Variants in TFCP2L1 observed in about 807,000 individuals in gnomAD.
TFCP2L1 encodes the protein transcription factor CP2-like protein 1.
TFCP2L1 carries 12 observed loss-of-function variants against 72.2 expected under a neutral mutation model. The observed-to-expected ratio is 0.17, with a 90% confidence interval of 0.11 to 0.27. TFCP2L1 has a LOEUF of 0.27. TFCP2L1 is among the 10% of genes least tolerant of loss of function. The pLI is 1.00. For synonymous variants in TFCP2L1, 260 were observed against 251.0 expected, an observed-to-expected ratio of 1.04 and a Z score of -0.34; for missense variants, 488 against 624.6, an observed-to-expected ratio of 0.78 and a Z score of 2.33.
intron 12 of TFCP2L1, 45 bp from the exon 13 acceptor site, chr2:121,232,013 G>C: frequency 6.5e-7 from 1 of 1,542,800 alleles, no homozygotes; most frequent in African/African-American, 1.4e-5. Context: ...TGGCCATTCT[G>C]TCAGTGTGAG....
intron 2 of TFCP2L1, among the ~76,000 whole-genome samples, chr2:121,265,516 C>T (rs903807997): frequency 1.3e-4 from 19 of 151,908 alleles, no homozygotes; most frequent in African/African-American, 4.6e-4. Flanking sequence ...CAGGGTCTCA[C>T]TCTGTCACCC....
chr2:121,283,122 CAG>C (rs1687297756), intron 1 of TFCP2L1, among the ~76,000 whole-genome samples: 2 of 152,146 alleles, frequency 1.3e-5, no homozygotes, highest in Non-Finnish European at 2.9e-5. Flanking sequence ...ATTTTTTAAA[CAG>C]GGGCGGGTGG....
intron 2 of TFCP2L1, among the ~76,000 whole-genome samples, chr2:121,260,703 C>A (rs577957842): frequency 9.8e-5 from 15 of 152,342 alleles, no homozygotes; most frequent in African/African-American, 2.2e-4. Context: ...CACAGCACTG[C>A]CCAGAGCAGG....
intron 2 of TFCP2L1, among the ~76,000 whole-genome samples, chr2:121,254,103 T>C (rs1463709656): frequency 6.6e-6 from 1 of 152,160 alleles, no homozygotes; most frequent in Non-Finnish European, 1.5e-5. Flanking sequence ...CAGCGGGCTA[T>C]GAGAAGGCGC....
In TFCP2L1 at chr2:121,219,108, C is replaced by T. The variant is rs1353046123; in HGVS notation, c.*5233G>A. The T allele has an allele frequency of 6.6e-6, 1 of 152,378 alleles. No individual in the cohort carries two copies. Among genetic ancestry groups the T allele is most frequent in the African/African-American group, 2.4e-5 (1 of 41,476 alleles). The allele number at this position is 152,378 out of a possible 1,614,324, so 9.4% of individuals were successfully genotyped here. On this transcript the variant is annotated 3_prime_UTR_variant, in exon 15 of 15. Coordinates refer to ENST00000263707, the MANE Select transcript of TFCP2L1 (RefSeq NM_014553.3). ...TGAAGCCAGTCATGTGGGAGACCCG[C>T]TCTAGAGACCTTGCCCTGCTCTGGG... is the stretch of plus-strand genomic sequence containing the variant.
intron 13 of TFCP2L1, among the ~76,000 whole-genome samples, chr2:121,230,799 G>A (rs1332951960): frequency 2.6e-5 from 4 of 151,844 alleles, no homozygotes; most frequent in African/African-American, 7.3e-5. Flanking sequence ...CAAAAGGCTG[G>A]GCATGGTGGC....
chr2:121,271,893 G>A (rs778757032), intron 2 of TFCP2L1, among the ~76,000 whole-genome samples: 2 of 152,170 alleles, frequency 1.3e-5, no homozygotes, highest in Non-Finnish European at 2.9e-5. Flanking sequence ...GAAAACAGGA[G>A]GGTTGGGGGT....
At chr2:121,260,906 A>G (rs1305987047) in intron 2 of TFCP2L1, among the ~76,000 whole-genome samples, 2 of 152,250 alleles carry the variant, frequency 1.3e-5, no homozygotes, top group African/African-American at 2.4e-5. Flanking sequence ...TTACTTTCCT[A>G]CAGTTACTGG....
chr2:121,240,224 A>C lies in TFCP2L1; in HGVS notation c.769-575T>G, dbSNP rs750415. 12,797 of 985,312 alleles carry C rather than the reference A, an allele frequency of 0.013. 417 individuals carry two copies. The East Asian group carries it at 0.15, about 12-fold the overall frequency. 61.0% of individuals were successfully genotyped at this position (985,312 alleles called of 1,614,324 possible). ...ATTTCAGGCATTCTGCTGGGGGCTA[A>C]GGGAGATCCACAAACATGAAAGATG... On this transcript the variant is annotated intron_variant, in intron 7 of 14. Transcript: ENST00000263707.
At chr2:121,235,930 A>G (rs1171105133) in intron 10 of TFCP2L1, among the ~76,000 whole-genome samples, 1 of 151,266 alleles carries the variant, frequency 6.6e-6, no homozygotes, top group African/African-American at 2.4e-5. Context: ...CCCTACTCCC[A>G]CCCAGGGGAG....
At chr2:121,244,582 A>C (rs1686443672) in intron 6 of TFCP2L1, among the ~76,000 whole-genome samples, 1 of 152,140 alleles carries the variant, frequency 6.6e-6, no homozygotes, top group Non-Finnish European at 1.5e-5. Flanking sequence ...AACGCCTGGC[A>C]TGGGTTGAGG....
At position 121,221,649 on chromosome 2, in the gene TFCP2L1, C is replaced by T. The variant is rs1466517058; in HGVS notation, c.*2692G>A. The T allele has an allele frequency of 7.1e-6, 1 of 140,492 alleles. No homozygotes were observed. The highest frequency in any genetic ancestry group is 1.6e-5 in the Non-Finnish European group (1 of 63,108). 8.7% of individuals were successfully genotyped at this position (140,492 alleles called of 1,614,324 possible). ...CATTGTGAGAACTAAAAGTATAGTT[C>T]TTAGAAGAAAACACAGGCATTAATC... On this transcript the variant is annotated 3_prime_UTR_variant, in exon 15 of 15. Coordinates refer to ENST00000263707, the MANE Select transcript of TFCP2L1 (RefSeq NM_014553.3).
intron 12 of TFCP2L1, 119 bp downstream of exon 12, chr2:121,233,972 G>T: frequency 1.1e-6 from 1 of 883,052 alleles, no homozygotes; most frequent in Non-Finnish European, 1.8e-6. Context: ...GTGTGGGCAT[G>T]TGGGAGCCCA....
intron 13 of TFCP2L1, among the ~76,000 whole-genome samples, chr2:121,227,838 C>A (rs1156828627): frequency 1.3e-5 from 2 of 152,104 alleles, no homozygotes; most frequent in Non-Finnish European, 2.9e-5. Flanking sequence ...TGCCTCGAAT[C>A]TTGCAAATCC....
intron 2 of TFCP2L1, among the ~76,000 whole-genome samples, chr2:121,262,219 C>G (rs1169211842): frequency 6.6e-6 from 1 of 152,198 alleles, no homozygotes; most frequent in Non-Finnish European, 1.5e-5. Context: ...GTAATCCCAG[C>G]ACTTTGGGAG....
intron 10 of TFCP2L1, 79 bp from the exon 11 acceptor site, chr2:121,235,390 A>AGTGC: frequency 1.4e-6 from 2 of 1,401,908 alleles, no homozygotes; most frequent in Non-Finnish European, 2.0e-6. Flanking sequence ...TGCAGACCCC[A>AGTGC]TAGCACTGGG....
chr2:121,284,896 C>T (rs977975792), intron 1 of TFCP2L1, 152 bp downstream of exon 1: 10 of 649,240 alleles, frequency 1.5e-5, no homozygotes, highest in Non-Finnish European at 1.8e-5. Context: ...AGTCCCTAGG[C>T]GGGACGCTGG....
intron 1 of TFCP2L1, among the ~76,000 whole-genome samples, chr2:121,282,192 C>G (rs1425028293): frequency 6.6e-6 from 1 of 151,846 alleles, no homozygotes; most frequent in African/African-American, 2.4e-5. Flanking sequence ...CTCGGCCTCC[C>G]AAAGTGCTGG....
chr2:121,244,815 G>A (rs1686448251), intron 6 of TFCP2L1, among the ~76,000 whole-genome samples: 1 of 152,194 alleles, frequency 6.6e-6, no homozygotes, highest in South Asian at 2.1e-4. Flanking sequence ...GACGCGGTCT[G>A]TACATGAGGG....
Sources: allele counts gnomAD v4.1 joint callset (sites outside exome capture counted in the v4.1 genomes callset), GRCh38; gene constraint gnomAD v4.1.1; transcripts MANE v1.5; gene names NCBI Gene and HGNC (gene_info 2026-07-23, HGNC 2026-07-21).